The following IL1RAPL1 variants were observed in gnomAD, a reference collection of about 807,000 sequenced individuals.
The protein encoded by IL1RAPL1 is interleukin-1 receptor accessory protein-like 1.
A neutral mutation model predicts 48.4 loss-of-function variants in IL1RAPL1; 3 were observed. The observed-to-expected ratio is 0.06, with a 90% CI of 0.03 to 0.16. The LOEUF (loss-of-function observed/expected upper bound fraction) is 0.16. Among genes scored for constraint, IL1RAPL1 ranks in the 10% least tolerant of loss-of-function variants. The pLI is 1.00. For synonymous variants in IL1RAPL1, 185 were observed against 187.7 expected, an observed-to-expected ratio of 0.99 and a Z score of 0.12; for missense variants, 349 against 530.6, an observed-to-expected ratio of 0.66 and a Z score of 3.36.
In IL1RAPL1 at chrX:29,545,178, CCTATCTATCTATCTATCTATCTAT is replaced by C. The variant is rs74314245; in HGVS notation, c.704-123211_704-123188del. On this transcript the variant is annotated intron_variant, in intron 5 of 10. Transcript: ENST00000378993. ...GTTACTGCAGCCCTGGAAAACTAAT[CCTATCTATCTATCTATCTATCTAT>C]CTATCTATCTATCTATCTATCTATC... 1.9e-3 allele frequency among the ~76,000 whole-genome samples: 178 copies of C among 91,848 alleles called. 1 individual carries two copies. Among genetic ancestry groups the C allele is most frequent in the African/African-American group, 5.9e-3 (147 of 24,960 alleles). The allele number at this position is 91,848 out of a possible 115,157, so 79.8% of individuals were successfully genotyped here. A position where few individuals can be genotyped will look rare whatever the true frequency, so the allele number is the denominator to read the frequency against.
chrX:28,745,211 C>T (rs1935959642), intron 1 of IL1RAPL1, among the ~76,000 whole-genome samples: 1 of 111,757 alleles, frequency 8.9e-6, no homozygotes, highest in Non-Finnish European at 1.9e-5. Flanking sequence ...TACCATGATA[C>T]TGATCATCTC....
Position 29,803,057 on chromosome X carries a change from A to ATATATGTATGCATGTATACATATATGTG in IL1RAPL1, c.779-114397_779-114370dup, listed in dbSNP as rs1318328799. 8.9e-4 allele frequency among the ~76,000 whole-genome samples: 39 copies of ATATATGTATGCATGTATACATATATGTG among 43,951 alleles called. 1 individual carries two copies. The highest frequency in any genetic ancestry group is 1.5e-3 in the Non-Finnish European group (35 of 23,257). The allele number at this position is 43,951 out of a possible 115,157, so 38.2% of individuals were successfully genotyped here. A position where few individuals can be genotyped will look rare whatever the true frequency, so the allele number is the denominator to read the frequency against. On this transcript the variant is annotated intron_variant, in intron 6 of 10. Transcript: ENST00000378993. ...TGCATATATACATATATGTGTACAT[A>ATATATGTATGCATGTATACATATATGTG]TATATGTATGCATGTATACATATAT...
intron 6 of IL1RAPL1, among the ~76,000 whole-genome samples, chrX:29,707,103 A>C (rs2147118586): frequency 9.0e-6 from 1 of 111,276 alleles, no homozygotes; most frequent in Non-Finnish European, 1.9e-5. Flanking sequence ...AGAAAAAAAT[A>C]ATCCCATCAA....
intron 2 of IL1RAPL1, among the ~76,000 whole-genome samples, chrX:28,821,145 C>T: frequency 9.0e-6 from 1 of 111,437 alleles, no homozygotes; most frequent in East Asian, 2.8e-4. Context: ...CAAATTGAAA[C>T]ATTTTAACTT....
intron 6 of IL1RAPL1, among the ~76,000 whole-genome samples, chrX:29,762,810 A>G (rs1362718233): frequency 1.8e-5 from 2 of 111,393 alleles, no homozygotes; most frequent in African/African-American, 6.5e-5. Flanking sequence ...ATGAAGGTCA[A>G]TTTCTATCCT....
intron 3 of IL1RAPL1, among the ~76,000 whole-genome samples, chrX:29,372,965 A>G (rs956542037): frequency 9.1e-6 from 1 of 110,122 alleles, no homozygotes; most frequent in Non-Finnish European, 1.9e-5. Context: ...GTGAAAAATG[A>G]CACTTGTAGT....
At chrX:29,637,053 CAAAA>C (rs761907735) in intron 5 of IL1RAPL1, among the ~76,000 whole-genome samples, 1 of 54,312 alleles carries the variant, frequency 1.8e-5, no homozygotes. Flanking sequence ...AACTCCGTCT[CAAAA>C]AAAAAAAAAA....
At chrX:29,013,585 A>G (rs1250573559) in intron 2 of IL1RAPL1, among the ~76,000 whole-genome samples, 1 of 111,912 alleles carries the variant, frequency 8.9e-6, no homozygotes, top group East Asian at 2.8e-4. Flanking sequence ...GTTGGAAACC[A>G]TTATCCTCAG....
chrX:29,678,453 C>T lies in IL1RAPL1; in HGVS notation c.778+9949C>T, dbSNP rs771169718. 3.1e-5 allele frequency among the ~76,000 whole-genome samples: 3 copies of T among 97,830 alleles called. No homozygotes were observed. The South Asian group carries it at 1.7e-3, about 56-fold the overall frequency. The allele number at this position is 97,830 out of a possible 115,157, so 85.0% of individuals were successfully genotyped here. ...CACCACAAGCTCCGCCTCCCGGGTT[C>T]ACGCCATTCTCCTGCCTCAGCTTCC... On this transcript the variant is annotated intron_variant, in intron 6 of 10. Coordinates refer to ENST00000378993, the MANE Select transcript of IL1RAPL1 (RefSeq NM_014271.4).
intron 2 of IL1RAPL1, among the ~76,000 whole-genome samples, chrX:28,879,015 A>G (rs1222627265): frequency 8.9e-6 from 1 of 111,761 alleles, no homozygotes; most frequent in Admixed American, 9.6e-5. Flanking sequence ...ACTCATAGTC[A>G]TTTATACTAT....
chrX:28,836,373 A>ATATATATATATATAT (rs1569183041), intron 2 of IL1RAPL1, among the ~76,000 whole-genome samples: 29 of 94,004 alleles, frequency 3.1e-4, no homozygotes, highest in African/African-American at 1.5e-3. Flanking sequence ...TGACAGAGAG[A>ATATATATATATATAT]GAGAGAGAGA....
At chrX:28,646,585 C>A (rs1423414751) in intron 1 of IL1RAPL1, among the ~76,000 whole-genome samples, 1 of 112,379 alleles carries the variant, frequency 8.9e-6, no homozygotes, top group African/African-American at 3.2e-5. Context: ...TATATTTTAT[C>A]TTTCTAAAGA....
intron 2 of IL1RAPL1, among the ~76,000 whole-genome samples, chrX:29,252,371 T>A (rs1383391074): frequency 8.8e-6 from 1 of 113,933 alleles, no homozygotes; most frequent in Admixed American, 9.1e-5. Flanking sequence ...AGTTGATCAC[T>A]AGATTTCTCT....
At chrX:29,642,855 A>G (rs1374841342) in intron 5 of IL1RAPL1, among the ~76,000 whole-genome samples, 5 of 112,427 alleles carry the variant, frequency 4.4e-5, no homozygotes, top group Admixed American at 3.8e-4. Flanking sequence ...GCAGTCATGG[A>G]AATGTTCTAG....
At chrX:28,641,705 T>G (rs1183520388) in intron 1 of IL1RAPL1, among the ~76,000 whole-genome samples, 3 of 111,808 alleles carry the variant, frequency 2.7e-5, no homozygotes, top group Non-Finnish European at 5.6e-5. Flanking sequence ...AGCATTCCTA[T>G]TTCTCCATAT....
intron 5 of IL1RAPL1, among the ~76,000 whole-genome samples, chrX:29,416,202 A>G (rs1306399582): frequency 2.7e-5 from 3 of 111,737 alleles, no homozygotes; most frequent in Non-Finnish European, 3.8e-5. Flanking sequence ...AGAGGTTTAC[A>G]AAATAGGAAA....
chrX:28,637,379 T>G (rs1934477866), intron 1 of IL1RAPL1, among the ~76,000 whole-genome samples: 1 of 111,882 alleles, frequency 8.9e-6, no homozygotes, highest in Non-Finnish European at 1.9e-5. Flanking sequence ...CCAGTCACTT[T>G]CTGTGATATT....
chrX:29,061,298 A>G (rs1927335394), intron 2 of IL1RAPL1, among the ~76,000 whole-genome samples: 2 of 112,099 alleles, frequency 1.8e-5, no homozygotes. Flanking sequence ...CACCTGTCTG[A>G]TGAGCATGCT....
At chrX:29,875,164 G>C (rs773634113) in intron 6 of IL1RAPL1, among the ~76,000 whole-genome samples, 120 of 111,644 alleles carry the variant, frequency 1.1e-3, no homozygotes, top group African/African-American at 3.7e-3. Flanking sequence ...AGTGATGCGA[G>C]TCAGTTCTTC....
Sources: gnomAD v4.1 joint callset for allele counts (sites outside exome capture counted in the v4.1 genomes callset) on GRCh38, gnomAD v4.1.1 for gene constraint, MANE v1.5 for transcripts, NCBI Gene and HGNC (gene_info 2026-07-23, HGNC 2026-07-21) for gene names.